PDGFC: variants seen among roughly 807,000 people sequenced by gnomAD.
PDGFC encodes platelet derived growth factor C, also known as platelet-derived growth factor C.
A neutral mutation model predicts 35.5 loss-of-function variants in PDGFC; 12 were observed. The ratio of observed to expected loss-of-function variants is 0.34; its 90% CI spans 0.22 to 0.55. The LOEUF (loss-of-function observed/expected upper bound fraction) is 0.55, where lower values mean the gene tolerates loss of function less well. PDGFC is among the 20% of genes least tolerant of loss of function. PDGFC has a pLI of 0.91. For synonymous variants in PDGFC, 159 were observed against 148.8 expected, an observed-to-expected ratio of 1.07 and a Z score of -0.50; for missense variants, 322 against 412.4, an observed-to-expected ratio of 0.78 and a Z score of 1.90.
At chr4:156,775,094 C>A (rs538337529) in intron 3 of PDGFC, among the ~76,000 whole-genome samples, 1 of 151,988 alleles carries the variant, frequency 6.6e-6, no homozygotes, top group Non-Finnish European at 1.5e-5. Flanking sequence ...GTTTTTATTA[C>A]CCAGTGTTTT....
At chr4:156,907,448 G>A (rs1434080954) in intron 1 of PDGFC, among the ~76,000 whole-genome samples, 2 of 152,132 alleles carry the variant, frequency 1.3e-5, no homozygotes, top group African/African-American at 4.8e-5. Flanking sequence ...GAACATAAAG[G>A]TTTAAGGGTT....
chr4:156,894,566 A>G (rs1397591607), intron 1 of PDGFC, among the ~76,000 whole-genome samples: 2 of 152,220 alleles, frequency 1.3e-5, no homozygotes, highest in African/African-American at 2.4e-5. Context: ...CAAAATATAT[A>G]GCAATATTTC....
intron 1 of PDGFC, among the ~76,000 whole-genome samples, chr4:156,949,847 G>A (rs1732038656): frequency 6.6e-6 from 1 of 151,846 alleles, no homozygotes; most frequent in African/African-American, 2.4e-5. Flanking sequence ...ATGATATAGG[G>A]TCAGTCCTGG....
chr4:156,851,663 G>A (rs1729455712), intron 1 of PDGFC, among the ~76,000 whole-genome samples: 1 of 152,100 alleles, frequency 6.6e-6, no homozygotes, highest in South Asian at 2.1e-4. Context: ...TCCATGTAAG[G>A]ACCATCGCGG....
At chr4:156,915,882 A>C (rs1323372997) in intron 1 of PDGFC, among the ~76,000 whole-genome samples, 1 of 152,144 alleles carries the variant, frequency 6.6e-6, no homozygotes, top group Non-Finnish European at 1.5e-5. Flanking sequence ...AAAGAATAGA[A>C]GCAACGGCTT....
At chr4:156,896,320 G>C (rs948503906) in intron 1 of PDGFC, among the ~76,000 whole-genome samples, 2 of 152,154 alleles carry the variant, frequency 1.3e-5, no homozygotes, top group African/African-American at 4.8e-5. Flanking sequence ...ATGACTGGAA[G>C]AGTGCTAGAT....
chr4:156,841,811 C>T (rs1729212718), intron 2 of PDGFC, among the ~76,000 whole-genome samples: 1 of 152,124 alleles, frequency 6.6e-6, no homozygotes. Flanking sequence ...TGGCCTCAGG[C>T]AGTTCACTAT....
At chr4:156,785,098 G>A (rs1731086931) in intron 3 of PDGFC, among the ~76,000 whole-genome samples, 2 of 152,198 alleles carry the variant, frequency 1.3e-5, no homozygotes, top group African/African-American at 4.8e-5. Flanking sequence ...TAACAGCTCA[G>A]GGATATGATT....
intron 1 of PDGFC, among the ~76,000 whole-genome samples, chr4:156,913,710 A>C (rs1731095018): frequency 6.6e-6 from 1 of 152,126 alleles, no homozygotes; most frequent in Admixed American, 6.6e-5. Flanking sequence ...TGGTGTCAGA[A>C]GTGGGATATG....
chr4:156,890,080 A>C (rs756502950), intron 1 of PDGFC, among the ~76,000 whole-genome samples: 12 of 152,066 alleles, frequency 7.9e-5, no homozygotes, highest in Non-Finnish European at 1.0e-4. Flanking sequence ...ACACCTTGTT[A>C]GTTCATGAGG....
At position 156,761,186 on chromosome 4, in the gene PDGFC, G is replaced by C. The variant is rs1367250144; in HGVS notation, c.*1904C>G. The C allele has an allele frequency of 1.3e-5, 2 of 152,328 alleles. No individual in the cohort carries two copies. The highest frequency in any genetic ancestry group is 2.9e-5 in the Non-Finnish European group (2 of 68,068). The allele number at this position is 152,328 out of a possible 1,614,324, so 9.4% of individuals were successfully genotyped here. On this transcript the variant is annotated 3_prime_UTR_variant, in exon 6 of 6. Coordinates refer to ENST00000502773, the MANE Select transcript of PDGFC (RefSeq NM_016205.3). ...TGCTGAAGATACCAGCCCTGAATAGGAATCTATGTCTGGAACTGAGGAACC... is the reference window on the plus strand; with the variant it reads ...TGCTGAAGATACCAGCCCTGAATAGCAATCTATGTCTGGAACTGAGGAACC...
chr4:156,894,069 T>C (rs1730575975), intron 1 of PDGFC, among the ~76,000 whole-genome samples: 2 of 152,222 alleles, frequency 1.3e-5, no homozygotes, highest in South Asian at 4.1e-4. Flanking sequence ...ATGGTTATAC[T>C]AATTGATCAG....
chr4:156,956,130 A>G (rs1425285864), intron 1 of PDGFC, among the ~76,000 whole-genome samples: 1 of 152,010 alleles, frequency 6.6e-6, no homozygotes, highest in Non-Finnish European at 1.5e-5. Context: ...TCACCACAAC[A>G]CGCACTTTTG....
At chr4:156,901,595 CATT>C (rs111503240) in intron 1 of PDGFC, among the ~76,000 whole-genome samples, 14 of 150,436 alleles carry the variant, frequency 9.3e-5, no homozygotes, top group South Asian at 2.1e-4. Context: ...GTATCTATTT[CATT>C]ATTATTATTA....
At chr4:156,857,863 A>G (rs1405127385) in intron 1 of PDGFC, among the ~76,000 whole-genome samples, 2 of 152,050 alleles carry the variant, frequency 1.3e-5, no homozygotes, top group African/African-American at 4.8e-5. Context: ...AGCCTAATGA[A>G]AAAGTTGATG....
At chr4:156,836,906 T>A (rs1729076796) in intron 2 of PDGFC, among the ~76,000 whole-genome samples, 1 of 152,158 alleles carries the variant, frequency 6.6e-6, no homozygotes, top group Admixed American at 6.5e-5. Context: ...AAATTTTAAG[T>A]CAGAATCTGC....
chr4:156,889,944 G>C (rs1730463657), intron 1 of PDGFC, among the ~76,000 whole-genome samples: 1 of 152,154 alleles, frequency 6.6e-6, no homozygotes. Context: ...TGGGGGGAAA[G>C]CTATGTGGTA....
At chr4:156,900,968 A>C (rs1730756919) in intron 1 of PDGFC, among the ~76,000 whole-genome samples, 1 of 151,596 alleles carries the variant, frequency 6.6e-6, no homozygotes. Context: ...AGGGAGGAAG[A>C]AAAAAAGAGA....
chr4:156,949,530 T>C (rs1732030245), intron 1 of PDGFC, among the ~76,000 whole-genome samples: 1 of 151,892 alleles, frequency 6.6e-6, no homozygotes, highest in Non-Finnish European at 1.5e-5. Flanking sequence ...CAGGAAATTA[T>C]TAATGAAGGG....
Sources: gnomAD v4.1 joint callset for allele counts (sites outside exome capture counted in the v4.1 genomes callset) on GRCh38, gnomAD v4.1.1 for gene constraint, MANE v1.5 for transcripts, NCBI Gene and HGNC (gene_info 2026-07-23, HGNC 2026-07-21) for gene names.